The following LRRC32 variants were observed in gnomAD, a reference collection of about 807,000 sequenced individuals.
LRRC32 encodes transforming growth factor beta activator LRRC32.
LRRC32 carries 5 observed loss-of-function variants against 15.0 expected under a neutral mutation model. The ratio of observed to expected loss-of-function variants is 0.33; its 90% CI spans 0.17 to 0.70. LRRC32 has a LOEUF of 0.70. Among genes scored for constraint, LRRC32 ranks in the 30% least tolerant of loss-of-function variants. LRRC32 has a pLI of 0.66. For synonymous variants in LRRC32, 391 were observed against 403.9 expected, an observed-to-expected ratio of 0.97 and a Z score of 0.38; for missense variants, 803 against 854.2, an observed-to-expected ratio of 0.94 and a Z score of 0.75.
At position 76,660,693 on chromosome 11, in the gene LRRC32, C is replaced by G. The variant is rs1436377705; in HGVS notation, c.900G>C (p.Leu300=). The G allele has an allele frequency of 3.7e-6, 6 of 1,614,070 alleles. No individual in the cohort carries two copies. In the Admixed American group the frequency reaches 1.0e-4, roughly 27 times the overall value. Residue 300 remains leucine (L), a synonymous_variant, in exon 3 of 3, where the codon CTG becomes CTC. Coordinates refer to ENST00000260061, the MANE Select transcript of LRRC32 (RefSeq NM_001128922.2). The part of the protein sequence containing the change: ...IHAPSEGWSA[L]PLSAPSGNAS... ...CATTCCCGCTGGGGGCTGAGAGGGG[C>G]AGGGCTGACCAGCCCTCGGAAGGTG...
Position 76,662,306 on chromosome 11 carries a change from GA to G in LRRC32, c.85-799del, listed in dbSNP as rs527763367. ...TGTGTTTGTGCTGTGCGACCTCCAG[GA>G]AGTCACATAACCACTCTGTTTTCTT... is the stretch of plus-strand genomic sequence containing the variant. On this transcript the variant is annotated intron_variant, in intron 2 of 2. Transcript: ENST00000260061. Among the ~76,000 whole-genome samples, 821 of 152,294 alleles carry G rather than the reference GA, an allele frequency of 5.4e-3. 8 individuals are homozygous for G. Among genetic ancestry groups the G allele is most frequent in the African/African-American group, 0.019 (795 of 41,544 alleles).
rs532619904 is a variant in LRRC32, at chr11:76,658,313, G to C, written c.*1291C>G. The C allele has an allele frequency of 6.6e-6, 1 of 152,490 alleles. No homozygotes were observed. Among genetic ancestry groups the C allele is most frequent in the African/African-American group, 2.4e-5 (1 of 41,590 alleles). 9.4% of individuals were successfully genotyped at this position (152,490 alleles called of 1,614,324 possible). A position where few individuals can be genotyped will look rare whatever the true frequency, so the allele number is the denominator to read the frequency against. On this transcript the variant is annotated 3_prime_UTR_variant, in exon 3 of 3. Transcript: ENST00000260061. ...CAGGCTCTGCTCAATAGAGGAAAAG[G>C]GAATGAGAGAATGCAAGAGCACAGA...
chr11:76,669,386 T>TGAGA (rs35725396), intron 1 of LRRC32, among the ~76,000 whole-genome samples: 117 of 127,930 alleles, frequency 9.1e-4, no homozygotes, highest in African/African-American at 1.3e-3. Flanking sequence ...TGTGTGTGTG[T>TGAGA]GAGAGAGAGA....
rs959923403 is a variant in LRRC32 at position 76,661,419 on chromosome 11, C to T, written c.174G>A (p.Gly58=). The change falls in exon 3 of 3, where the codon GGG becomes GGA. Residue 58 remains glycine (G), a synonymous_variant. Transcript: ENST00000260061. ...AGGCCAGGATACTCCGCAGCTGGTT[C>T]CCAGATAGATCAAGGGTCTCAGTGT... The part of the protein sequence containing the change: ...PPDTETLDLS[G]NQLRSILASP... 6.2e-7 allele frequency: 1 copy of T among 1,614,090 alleles called. No homozygotes were observed. The highest frequency in any genetic ancestry group is 8.5e-7 in the Non-Finnish European group (1 of 1,179,974).
In LRRC32 at chr11:76,659,214, G is replaced by A. The variant is rs988036194; in HGVS notation, c.*390C>T. ...ACACCTCAGGCCCTAAGCACACTGC[G>A]TGGCGGCCACGTGGCTCTGCAGCAC... On this transcript the variant is annotated 3_prime_UTR_variant, in exon 3 of 3. Coordinates refer to ENST00000260061, the MANE Select transcript of LRRC32 (RefSeq NM_001128922.2). The A allele has an allele frequency of 1.8e-5, 4 of 226,588 alleles. No individual in the cohort carries two copies. Among genetic ancestry groups the A allele is most frequent in the African/African-American group, 9.1e-5 (4 of 43,844 alleles). The allele number at this position is 226,588 out of a possible 1,614,324, so 14.0% of individuals were successfully genotyped here.
At chr11:76,663,206 C>T (rs1476544329) in intron 2 of LRRC32, 2 of 152,232 alleles carry the variant, frequency 1.3e-5, no homozygotes, top group Non-Finnish European at 2.9e-5. Flanking sequence ...GAGTCCCAGA[C>T]ATCATCAGTT....
At chr11:76,669,345 ATGTG>A (rs112355864) in intron 1 of LRRC32, among the ~76,000 whole-genome samples, 7,265 of 123,386 alleles carry the variant, frequency 0.059, 351 homozygotes, top group African/African-American at 0.14. Flanking sequence ...GTGCCAAAGA[ATGTG>A]TGTGTGTGTG....
Position 76,660,692 on chromosome 11 carries a change from G to T in LRRC32, c.901C>A (p.Pro301Thr). The stretch of plus-strand genomic sequence containing the variant: ...GCATTCCCGCTGGGGGCTGAGAGGG[G>T]CAGGGCTGACCAGCCCTCGGAAGGT... ...HAPSEGWSALPLSAPSGNASG... is the reference protein window; with the variant it reads ...HAPSEGWSALTLSAPSGNASG... The change falls in exon 3 of 3, where the codon CCC becomes ACC. Residue 301 changes from proline to threonine, a missense_variant. By Grantham distance (38) the Pro-to-Thr change is conservative (BLOSUM62 -1). Coordinates refer to ENST00000260061, the MANE Select transcript of LRRC32 (RefSeq NM_001128922.2). 1 of 1,614,112 alleles carries T rather than the reference G, an allele frequency of 6.2e-7. No homozygotes were observed. The highest frequency in any genetic ancestry group is 8.5e-7 in the Non-Finnish European group (1 of 1,180,008).
chr11:76,666,947 C>T (rs1952635930), intron 1 of LRRC32, among the ~76,000 whole-genome samples: 1 of 152,216 alleles, frequency 6.6e-6, no homozygotes, highest in South Asian at 2.1e-4. Context: ...ACACAGAAAG[C>T]CTTCCAAGAG....
intron 2 of LRRC32, among the ~76,000 whole-genome samples, chr11:76,664,065 G>T (rs190094750): frequency 6.6e-6 from 1 of 152,150 alleles, no homozygotes; most frequent in African/African-American, 2.4e-5. Context: ...ACAGTGTGGG[G>T]GGCACCGTGC....
At position 76,670,609 on chromosome 11, in the gene LRRC32, C is replaced by G. The variant is rs1309046052; in HGVS notation, c.-5+5G>C. On this transcript the variant is annotated splice_donor_5th_base_variant and intron_variant, in intron 1 of 2. Transcript: ENST00000260061. ...GGCCAGCCTCGCCTGCCCGGCGGCTCCTACCTGGCTCAGCGCGGCCGCAGC... is the reference window on the plus strand; with the variant it reads ...GGCCAGCCTCGCCTGCCCGGCGGCTGCTACCTGGCTCAGCGCGGCCGCAGC... The G allele has an allele frequency of 2.0e-5, 3 of 152,174 alleles. No homozygotes were observed. Among genetic ancestry groups the G allele is most frequent in the African/African-American group, 7.2e-5 (3 of 41,432 alleles). The allele number at this position is 152,174 out of a possible 1,614,324, so 9.4% of individuals were successfully genotyped here. A position where few individuals can be genotyped will look rare whatever the true frequency, so the allele number is the denominator to read the frequency against.
At position 76,659,261 on chromosome 11, in the gene LRRC32, A is replaced by G; in HGVS notation, c.*343T>C. On this transcript the variant is annotated 3_prime_UTR_variant, in exon 3 of 3. Coordinates refer to ENST00000260061, the MANE Select transcript of LRRC32 (RefSeq NM_001128922.2). ...GCACTCTCTCCTACCAGACTGGGAG[A>G]TTCTTGAGGGCGGGAATGTATCTCA... 4.1e-6 allele frequency: 1 copy of G among 245,702 alleles called. No homozygotes were observed. The highest frequency in any genetic ancestry group is 7.9e-6 in the Non-Finnish European group (1 of 126,636). 15.2% of individuals were successfully genotyped at this position (245,702 alleles called of 1,614,324 possible).
rs535784709 is a variant in LRRC32, at chr11:76,664,852, G to A, written c.84+1019C>T. ...TTCTCTGCCCGCAATTCTGGGCTCC[G>A]GGAATCTTAGAAGGGCTCTGAAGAG... is the stretch of plus-strand genomic sequence containing the variant. On this transcript the variant is annotated intron_variant, in intron 2 of 2. Transcript: ENST00000260061. Among the ~76,000 whole-genome samples the A allele has an allele frequency of 2.6e-5, 4 of 152,326 alleles. No homozygotes were observed. In the East Asian group the frequency reaches 5.8e-4, roughly 22 times the overall value.
At chr11:76,668,648 T>G (rs1952662795) in intron 1 of LRRC32, among the ~76,000 whole-genome samples, 1 of 152,188 alleles carries the variant, frequency 6.6e-6, no homozygotes, top group South Asian at 2.1e-4. Flanking sequence ...TCCTCATCAT[T>G]TATTTCTTAT....
At position 76,658,411 on chromosome 11, in the gene LRRC32, T is replaced by C; in HGVS notation, c.*1193A>G. On this transcript the variant is annotated 3_prime_UTR_variant, in exon 3 of 3. Transcript: ENST00000260061. ...ACAGGCAGAGAAGGAGGAGAGCGCCTGCAGCTGCCTGCCTGGGAGAGAGGA... is the reference window on the plus strand; with the variant it reads ...ACAGGCAGAGAAGGAGGAGAGCGCCCGCAGCTGCCTGCCTGGGAGAGAGGA... 1 of 152,826 alleles carries C rather than the reference T, an allele frequency of 6.5e-6. No individual in the cohort carries two copies. Among genetic ancestry groups the C allele is most frequent in the Non-Finnish European group, 1.5e-5 (1 of 68,380 alleles). The allele number at this position is 152,826 out of a possible 1,614,324, so 9.5% of individuals were successfully genotyped here.
intron 2 of LRRC32, chr11:76,663,224 G>A (rs1952567771): frequency 6.6e-6 from 1 of 152,184 alleles, no homozygotes; most frequent in African/African-American, 2.4e-5. Context: ...GTTTAGTAAA[G>A]GTCTGAGGCA....
chr11:76,666,871 A>G (rs1250283602), intron 1 of LRRC32, among the ~76,000 whole-genome samples: 1 of 152,252 alleles, frequency 6.6e-6, no homozygotes, highest in East Asian at 1.9e-4. Context: ...TGGGAACTCA[A>G]AAAACAAATG....
At position 76,660,429 on chromosome 11, in the gene LRRC32, C is replaced by T; in HGVS notation, c.1164G>A (p.Leu388=). 1 of 1,613,670 alleles carries T rather than the reference C, an allele frequency of 6.2e-7. No homozygotes were observed. Among genetic ancestry groups the T allele is most frequent in the Non-Finnish European group, 8.5e-7 (1 of 1,179,870 alleles). ...CATTGCCCTGTAGGAGCAGCGTCCG[C>T]AGAGACCCCAGGGCTCTGGCGCCCA... ...LELGARALGS[L]RTLLLQGNAL... The change falls in exon 3 of 3, where the codon CTG becomes CTA. Residue 388 remains leucine (L), a synonymous_variant. Transcript: ENST00000260061.
intron 2 of LRRC32, chr11:76,662,615 C>T (rs1356257914): frequency 3.3e-5 from 5 of 152,266 alleles, no homozygotes; most frequent in African/African-American, 1.2e-4. Context: ...GCAGGTCTCC[C>T]TCTTCTCTTC....
Sources: gnomAD v4.1 joint callset for allele counts (sites outside exome capture counted in the v4.1 genomes callset) on GRCh38, gnomAD v4.1.1 for gene constraint, MANE v1.5 for transcripts, NCBI Gene and HGNC (gene_info 2026-07-23, HGNC 2026-07-21) for gene names.